Variants in DNAH14 observed in about 807,000 individuals in gnomAD.
DNAH14 encodes the protein dynein axonemal heavy chain 14.
Under a neutral mutation model 520.9 loss-of-function variants are expected in DNAH14, and 478 were observed. That is an observed-to-expected ratio of 0.92 (90% CI 0.85 to 0.99). DNAH14 has a LOEUF of 0.99. DNAH14 is among the 50% of genes least tolerant of loss of function. The pLI, the probability that DNAH14 is intolerant of heterozygous loss-of-function variation, is 0.00. For missense variants in DNAH14, 4,831 were observed against 5,234.5 expected (o/e 0.92, Z 2.38); for synonymous variants, 1,581 against 1,757.2 (o/e 0.90, Z 2.51).
chr1:225,092,384 A>C (rs2074475880), intron 21 of DNAH14, among the ~76,000 whole-genome samples: 1 of 152,190 alleles, frequency 6.6e-6, no homozygotes, highest in South Asian at 2.1e-4. Context: ...AAATTTCTCA[A>C]AACCATACAA....
At chr1:224,947,071 C>T (rs2059891282) in intron 1 of DNAH14, among the ~76,000 whole-genome samples, 2 of 151,920 alleles carry the variant, frequency 1.3e-5, no homozygotes, top group African/African-American at 4.8e-5. Context: ...GCATGCACCA[C>T]CACGCTCGGC....
intron 38 of DNAH14, among the ~76,000 whole-genome samples, chr1:225,195,517 A>T (rs1209431356): frequency 6.6e-6 from 1 of 151,926 alleles, no homozygotes; most frequent in Non-Finnish European, 1.5e-5. Flanking sequence ...GGAGGATGGG[A>T]GGATGGAGAG....
At position 225,264,223 on chromosome 1, in the gene DNAH14, T is replaced by C; in HGVS notation, c.7184T>C (p.Leu2395Ser). 1 of 1,550,088 alleles carries C rather than the reference T, an allele frequency of 6.5e-7. No individual in the cohort carries two copies. The highest frequency in any genetic ancestry group is 2.0e-5 in the Admixed American group (1 of 50,956). The change falls in exon 47 of 86, where the codon TTG becomes TCG. Residue 2395 changes from leucine (L) to serine (S), a missense_variant. By Grantham distance (145) the Leu-to-Ser change is moderately radical. Coordinates refer to ENST00000682510, the MANE Select transcript of DNAH14 (RefSeq NM_001367479.1). ...SSSLKQNITI[L>S]IPETHKTATG... The stretch of plus-strand genomic sequence containing the variant: ...AGCCTAAAACAGAATATCACCATCT[T>C]GATTCCTGAAACTCATAAGACAGCA...
At chr1:225,102,698 GTGTC>G (rs1421185186) in intron 23 of DNAH14, among the ~76,000 whole-genome samples, 3 of 152,188 alleles carry the variant, frequency 2.0e-5, no homozygotes, top group African/African-American at 7.2e-5. Flanking sequence ...CTTTTGAGAA[GTGTC>G]TGTTCATATC....
In DNAH14 at chr1:225,051,621, C is replaced by G. The variant is rs1250274046; in HGVS notation, c.2250C>G (p.Phe750Leu). 2 of 1,550,590 alleles carry G rather than the reference C, an allele frequency of 1.3e-6. No homozygotes were observed. Among genetic ancestry groups the G allele is most frequent in the African/African-American group, 1.4e-5 (1 of 72,978 alleles). Residue 750 changes from phenylalanine (F) to leucine (L), a missense_variant, in exon 17 of 86, where the codon TTC becomes TTG. Coordinates refer to ENST00000682510, the MANE Select transcript of DNAH14 (RefSeq NM_001367479.1). ...AATTTGAAGCTATTCTAAATAGATTCAGAAACTATTTTAGACATATTGTGA... is the reference window on the plus strand; with the variant it reads ...AATTTGAAGCTATTCTAAATAGATTGAGAAACTATTTTAGACATATTGTGA... ...SKEFEAILNR[F>L]RNYFRHIVNM...
chr1:225,156,116 A>G (rs934379443), intron 34 of DNAH14, among the ~76,000 whole-genome samples: 2 of 151,784 alleles, frequency 1.3e-5, no homozygotes, highest in Admixed American at 1.3e-4. Flanking sequence ...AATACTACAG[A>G]TTTGTCTCAT....
At chr1:225,051,086 G>T (rs2068493677) in intron 16 of DNAH14, among the ~76,000 whole-genome samples, 1 of 152,156 alleles carries the variant, frequency 6.6e-6, no homozygotes, top group South Asian at 2.1e-4. Flanking sequence ...GCCGTGGACT[G>T]GCACTGCTCT....
At chr1:225,330,896 A>C (rs2094782182) in intron 64 of DNAH14, among the ~76,000 whole-genome samples, 1 of 152,200 alleles carries the variant, frequency 6.6e-6, no homozygotes, top group South Asian at 2.1e-4. Context: ...TGCCTGTATC[A>C]AAACATCTCA....
intron 31 of DNAH14, among the ~76,000 whole-genome samples, chr1:225,148,912 ATAGT>A (rs1251345719): frequency 9.9e-5 from 15 of 152,062 alleles, no homozygotes; most frequent in Non-Finnish European, 1.9e-4. Context: ...TACTCTGTTG[ATAGT>A]TTCTTTTGCT....
chr1:225,052,292 T>C (rs2068615007), intron 17 of DNAH14, among the ~76,000 whole-genome samples: 1 of 152,160 alleles, frequency 6.6e-6, no homozygotes, highest in African/African-American at 2.4e-5. Flanking sequence ...GGAGACTCTA[T>C]GGAGATTCCC....
chr1:225,061,611 G>T (rs1281899947), intron 17 of DNAH14, among the ~76,000 whole-genome samples: 1 of 152,170 alleles, frequency 6.6e-6, no homozygotes, highest in Non-Finnish European at 1.5e-5. Flanking sequence ...CGCTCATGCT[G>T]GGAGCTGTAG....
At chr1:225,197,966 A>G (rs561409748) in intron 38 of DNAH14, among the ~76,000 whole-genome samples, 18 of 152,274 alleles carry the variant, frequency 1.2e-4, no homozygotes, top group Non-Finnish European at 2.1e-4. Context: ...TAGGTAAACA[A>G]TCCTGTCATC....
intron 44 of DNAH14, among the ~76,000 whole-genome samples, chr1:225,252,769 A>G (rs972963478): frequency 4.6e-5 from 7 of 152,162 alleles, no homozygotes; most frequent in Admixed American, 3.9e-4. Flanking sequence ...AAAAACATAT[A>G]TGTAAAAACT....
In DNAH14 at chr1:225,337,305, T is replaced by C; in HGVS notation, c.10120T>C (p.Tyr3374His). The C allele has an allele frequency of 6.4e-7, 1 of 1,551,982 alleles. No individual in the cohort carries two copies. The change falls in exon 67 of 86, where the codon TAT becomes CAT. Residue 3374 changes from tyrosine to histidine, a missense_variant. Coordinates refer to ENST00000682510, the MANE Select transcript of DNAH14 (RefSeq NM_001367479.1). ...WHNQGLPHGQ[Y>H]SVENAILIKN... ...TAATCAGGGACTGCCTCATGGTCAG[T>C]ATTCAGTAGAGAATGCCATCTTGAT...
chr1:225,209,190 A>G (rs910760066), intron 41 of DNAH14, among the ~76,000 whole-genome samples: 7 of 152,222 alleles, frequency 4.6e-5, no homozygotes, highest in African/African-American at 1.4e-4. Context: ...TGTGTATAAA[A>G]GAAATTAGAG....
intron 41 of DNAH14, among the ~76,000 whole-genome samples, chr1:225,229,817 A>G (rs1031357055): frequency 1.3e-5 from 2 of 152,016 alleles, no homozygotes; most frequent in African/African-American, 4.8e-5. Flanking sequence ...CCTAATGTCA[A>G]TGATGGGTTG....
chr1:225,335,341 GTGTGTGTATATGCATA>G (rs1574854530), intron 66 of DNAH14, among the ~76,000 whole-genome samples: 2 of 77,120 alleles, frequency 2.6e-5, no homozygotes, highest in East Asian at 4.7e-4. Flanking sequence ...GTGTGTACAT[GTGTGTGTATATGCATA>G]TACACGTGTA....
At chr1:225,070,812 A>G (rs1031351572) in intron 17 of DNAH14, among the ~76,000 whole-genome samples, 3 of 151,896 alleles carry the variant, frequency 2.0e-5, no homozygotes, top group Non-Finnish European at 4.4e-5. Context: ...AAAGTTTCCC[A>G]CTATTATTGT....
chr1:225,045,027 G>A (rs2067822550), intron 15 of DNAH14, among the ~76,000 whole-genome samples: 1 of 151,916 alleles, frequency 6.6e-6, no homozygotes, highest in Non-Finnish European at 1.5e-5. Flanking sequence ...TGTGATTTCT[G>A]TCTAGTAATT....
Sources: gnomAD v4.1 joint callset for allele counts (sites outside exome capture counted in the v4.1 genomes callset) on GRCh38, gnomAD v4.1.1 for gene constraint, MANE v1.5 for transcripts, NCBI Gene and HGNC (gene_info 2026-07-23, HGNC 2026-07-21) for gene names.